Variants in FBXO34 observed in about 807,000 individuals in gnomAD.
FBXO34 encodes F-box protein 34, also known as F-box only protein 34.
FBXO34 carries 12 observed loss-of-function variants against 24.5 expected under a neutral mutation model. The ratio of observed to expected loss-of-function variants is 0.49; its 90% CI spans 0.31 to 0.79. The LOEUF (loss-of-function observed/expected upper bound fraction) is 0.79, where lower values mean the gene tolerates loss of function less well. FBXO34 is among the 30% of genes least tolerant of loss of function. The pLI is 0.04. For missense variants in FBXO34, 823 were observed against 857.7 expected, an observed-to-expected ratio of 0.96 and a Z score of 0.51; for synonymous variants, 320 against 311.9, an observed-to-expected ratio of 1.03 and a Z score of -0.27.
At chr14:55,380,528 G>GA in the FBXO34 span, 3 of 1,276,842 alleles carry the variant, frequency 2.3e-6, no homozygotes, top group Non-Finnish European at 3.4e-6. Flanking sequence ...ATAGAAACTT[G>GA]AAAGAGCCAT....
intron 1 of FBXO34, chr14:55,298,887 C>T (rs1328536645): frequency 6.2e-7 from 1 of 1,600,430 alleles, no homozygotes; most frequent in East Asian, 2.2e-5. Context: ...GTTCCAGCAG[C>T]AGGCCCTGGA....
the FBXO34 span, among the ~76,000 whole-genome samples, chr14:55,432,843 A>C: frequency 7.9e-5 from 12 of 152,218 alleles, no homozygotes; most frequent in African/African-American, 2.7e-4. Flanking sequence ...ACCCATCAAC[A>C]CAGGGCTTCC....
the FBXO34 span, chr14:55,381,902 T>C: frequency 6.9e-7 from 1 of 1,442,424 alleles, no homozygotes; most frequent in African/African-American, 1.4e-5. Context: ...CATTTTGTTA[T>C]GTCAATTTTA....
At chr14:55,420,415 T>G in the FBXO34 span, among the ~76,000 whole-genome samples, 1 of 152,310 alleles carries the variant, frequency 6.6e-6, no homozygotes, top group East Asian at 1.9e-4. Context: ...ATAAGGAACA[T>G]TTGTCTCTAA....
At chr14:55,439,227 C>T in the FBXO34 span, among the ~76,000 whole-genome samples, 7 of 150,730 alleles carry the variant, frequency 4.6e-5, no homozygotes, top group Non-Finnish European at 1.0e-4. Flanking sequence ...GCGTGAGCCA[C>T]CTCACCCTGC....
At chr14:55,349,981 A>AT (rs1884290615) in intron 1 of FBXO34, among the ~76,000 whole-genome samples, 1 of 152,076 alleles carries the variant, frequency 6.6e-6, no homozygotes, top group Admixed American at 6.5e-5. Context: ...GGGTGTTTAA[A>AT]AATCTAGTAG....
chr14:55,346,261 TTTGC>T (rs1427443322), intron 1 of FBXO34, among the ~76,000 whole-genome samples: 2 of 152,160 alleles, frequency 1.3e-5, no homozygotes, highest in Non-Finnish European at 2.9e-5. Context: ...GCCTCAGCAC[TTTGC>T]TTGTATTGAT....
At chr14:55,303,540 C>G (rs143291178) in intron 1 of FBXO34, among the ~76,000 whole-genome samples, 119 of 150,564 alleles carry the variant, frequency 7.9e-4, no homozygotes, top group Non-Finnish European at 1.5e-3. Context: ...CAACTTTTAT[C>G]AAGTATCACA....
At chr14:55,271,677 G>C (rs1881148862) in intron 1 of FBXO34, 140 bp downstream of exon 1, 1 of 149,760 alleles carries the variant, frequency 6.7e-6, no homozygotes, top group Admixed American at 6.6e-5. Flanking sequence ...GGGGGCGGGG[G>C]CGCCGCCCGC....
chr14:55,416,423 C>T, the FBXO34 span, among the ~76,000 whole-genome samples: 1 of 151,576 alleles, frequency 6.6e-6, no homozygotes, highest in Non-Finnish European at 1.5e-5. Context: ...GACACCCTGT[C>T]TCCATAAAAA....
chr14:55,342,126 A>G (rs921323673), intron 1 of FBXO34, among the ~76,000 whole-genome samples: 3 of 152,188 alleles, frequency 2.0e-5, no homozygotes, highest in Non-Finnish European at 4.4e-5. Flanking sequence ...TGTTCTGGAT[A>G]CTTTGTTGTC....
chr14:55,351,779 A>G lies in FBXO34; in HGVS notation c.1389A>G (p.Val463=), dbSNP rs1470794052. The stretch of plus-strand genomic sequence containing the variant: ...GCATTAGTATCACTGTGTCCAAGGT[A>G]GACAAAGACCAGCCTTCCATTTTAA... ...SLCISITVSK[V]DKDQPSILNS... The change falls in exon 2 of 2, where the codon GTA becomes GTG. Residue 463 remains valine (V), a synonymous_variant. Coordinates refer to ENST00000313833, the MANE Select transcript of FBXO34 (RefSeq NM_017943.4). The G allele has an allele frequency of 6.2e-7, 1 of 1,614,104 alleles. No individual in the cohort carries two copies. Among genetic ancestry groups the G allele is most frequent in the Non-Finnish European group, 8.5e-7 (1 of 1,180,056 alleles).
At chr14:55,333,436 A>C (rs1049346340) in intron 1 of FBXO34, among the ~76,000 whole-genome samples, 1 of 152,172 alleles carries the variant, frequency 6.6e-6, no homozygotes, top group African/African-American at 2.4e-5. Context: ...TGAAGTACCT[A>C]ATGGTTCTGG....
At chr14:55,284,513 CAAAA>C (rs777112072) in intron 1 of FBXO34, among the ~76,000 whole-genome samples, 5 of 84,156 alleles carry the variant, frequency 5.9e-5, no homozygotes, top group African/African-American at 8.8e-5. Context: ...CCTCTGTCTC[CAAAA>C]AAAAAAAAAA....
chr14:55,438,514 C>G, the FBXO34 span, among the ~76,000 whole-genome samples: 88,135 of 151,384 alleles, frequency 0.58, 25,664 homozygotes, highest in Admixed American at 0.65. Context: ...GGTCTCCTCC[C>G]GCAATTTACG....
At chr14:55,432,426 C>A in the FBXO34 span, among the ~76,000 whole-genome samples, 4 of 130,570 alleles carry the variant, frequency 3.1e-5, no homozygotes, top group Non-Finnish European at 6.6e-5. Context: ...AAAAAAAAAA[C>A]AACAAATAAA....
intron 1 of FBXO34, among the ~76,000 whole-genome samples, chr14:55,276,762 A>AT (rs2139628497): frequency 6.6e-6 from 1 of 152,324 alleles, no homozygotes; most frequent in East Asian, 1.9e-4. Flanking sequence ...AAGGTGATAG[A>AT]TTCGGGGCTT....
chr14:55,432,354 A>C, the FBXO34 span, among the ~76,000 whole-genome samples: 4 of 151,680 alleles, frequency 2.6e-5, no homozygotes, highest in Admixed American at 1.3e-4. Flanking sequence ...TGGAGGTTGC[A>C]GTGAGCCCAG....
chr14:55,335,221 T>C (rs943492460), intron 1 of FBXO34: 1 of 152,234 alleles, frequency 6.6e-6, no homozygotes, highest in Admixed American at 6.5e-5. Flanking sequence ...TAGTTTGTGG[T>C]GTTTACTTTT....
Sources: allele counts gnomAD v4.1 joint callset (sites outside exome capture counted in the v4.1 genomes callset), GRCh38; gene constraint gnomAD v4.1.1; transcripts MANE v1.5; gene names NCBI Gene and HGNC (gene_info 2026-07-23, HGNC 2026-07-21).